Variants in CFAP54 observed in about 807,000 individuals in gnomAD.
The protein encoded by CFAP54 is cilia- and flagella-associated protein 54.
A neutral mutation model predicts 370.4 loss-of-function variants in CFAP54; 290 were observed. The ratio of observed to expected loss-of-function variants is 0.78; its 90% CI spans 0.71 to 0.86. CFAP54 has a LOEUF of 0.86. CFAP54 is among the 40% of genes least tolerant of loss of function. CFAP54 has a pLI of 0.00. For synonymous variants in CFAP54, 1,206 were observed against 1,236.5 expected, an observed-to-expected ratio of 0.98 and a Z score of 0.52; for missense variants, 3,399 against 3,528.7, an observed-to-expected ratio of 0.96 and a Z score of 0.93.
intron 32 of CFAP54, among the ~76,000 whole-genome samples, chr12:96,632,379 A>C (rs1437963020): frequency 6.6e-6 from 1 of 151,984 alleles, no homozygotes; most frequent in East Asian, 1.9e-4. Flanking sequence ...TTGTAAATTT[A>C]AATTTTTGAT....
At chr12:96,768,377 G>T (rs1299654114) in intron 60 of CFAP54, among the ~76,000 whole-genome samples, 2 of 151,910 alleles carry the variant, frequency 1.3e-5, no homozygotes, top group Admixed American at 1.3e-4. Flanking sequence ...AATAGGCTGG[G>T]TGCGGTGGGT....
intron 11 of CFAP54, among the ~76,000 whole-genome samples, chr12:96,534,773 G>T (rs935714250): frequency 6.6e-6 from 1 of 152,116 alleles, no homozygotes; most frequent in Admixed American, 6.6e-5. Flanking sequence ...TTAAGATATT[G>T]CATGGCTTAT....
chr12:96,740,292 G>A (rs1199203236), intron 51 of CFAP54, among the ~76,000 whole-genome samples: 1 of 152,086 alleles, frequency 6.6e-6, no homozygotes, highest in East Asian at 1.9e-4. Flanking sequence ...AATGGAATTG[G>A]GATATAATAA....
At chr12:96,507,518 AACAC>A (rs979958156) in intron 4 of CFAP54, among the ~76,000 whole-genome samples, 1 of 116,088 alleles carries the variant, frequency 8.6e-6, no homozygotes, top group Non-Finnish European at 1.8e-5. Flanking sequence ...ACTGCTGAGG[AACAC>A]ACACACACAC....
In CFAP54 at chr12:96,564,473, C is replaced by T. The variant is rs1157279258; in HGVS notation, c.2416C>T (p.Gln806Ter). The T allele has an allele frequency of 1.4e-6, 1 of 692,938 alleles. No homozygotes were observed. Among genetic ancestry groups the T allele is most frequent in the Non-Finnish European group, 2.6e-6 (1 of 380,360 alleles). 42.9% of individuals were successfully genotyped at this position (692,938 alleles called of 1,614,324 possible). Residue 806 changes from glutamine to a stop codon, truncating the protein, a stop_gained, in exon 18 of 68, where the codon CAG becomes TAG. Coordinates refer to ENST00000524981, the MANE Select transcript of CFAP54 (RefSeq NM_001306084.2). LOFTEE classifies it high-confidence loss of function. The stretch of plus-strand genomic sequence containing the variant: ...ACAGTCGTCTTCTTCTTCAGTTTTG[C>T]AGACTCCAACTGTTAGCAAAGATAT... ...VVLLDKLQVL[Q>*]TPTVSKDIST...
intron 15 of CFAP54, among the ~76,000 whole-genome samples, chr12:96,549,773 T>C (rs1189020606): frequency 6.6e-6 from 1 of 152,210 alleles, no homozygotes; most frequent in Non-Finnish European, 1.5e-5. Flanking sequence ...ACCTGGCACA[T>C]GATAGCTGCT....
intron 36 of CFAP54, among the ~76,000 whole-genome samples, chr12:96,655,619 A>G (rs1956913066): frequency 6.6e-6 from 1 of 152,176 alleles, no homozygotes; most frequent in Admixed American, 6.5e-5. Flanking sequence ...TTACAGGAAT[A>G]TCCTCAGTAT....
chr12:96,620,011 T>C (rs1956468100), intron 26 of CFAP54, among the ~76,000 whole-genome samples: 1 of 152,116 alleles, frequency 6.6e-6, no homozygotes, highest in African/African-American at 2.4e-5. Flanking sequence ...AGTAAACAAA[T>C]AAAAATTTTT....
At chr12:96,657,793 T>C in intron 36 of CFAP54, 89 bp from the exon 37 acceptor site, 3 of 931,454 alleles carry the variant, frequency 3.2e-6, no homozygotes, top group East Asian at 4.8e-5. Context: ...TTCTTTTCCA[T>C]GTTACATTTT....
At chr12:96,824,222 T>C (rs902274028) in intron 65 of CFAP54, among the ~76,000 whole-genome samples, 6 of 152,102 alleles carry the variant, frequency 3.9e-5, no homozygotes, top group African/African-American at 1.4e-4. Flanking sequence ...GGCAGCAAGG[T>C]CACACAAGGA....
At chr12:96,581,273 CTT>C (rs1956030274) in intron 22 of CFAP54, among the ~76,000 whole-genome samples, 168 bp downstream of exon 22, 1 of 152,134 alleles carries the variant, frequency 6.6e-6, no homozygotes, top group Admixed American at 6.6e-5. Flanking sequence ...CATTCCTTCT[CTT>C]ATTAGTAAAT....
At position 96,663,295 on chromosome 12, in the gene CFAP54, G is replaced by A. The variant is rs77464594; in HGVS notation, c.5461-535G>A. ...GGTTAGTTCAAGGGATGGGAGTGAA[G>A]AAATGAAGAGAAGAGGGTCTTGGGC... On this transcript the variant is annotated intron_variant, in intron 38 of 67. Transcript: ENST00000524981. 4.8e-3 allele frequency among the ~76,000 whole-genome samples: 733 copies of A among 152,296 alleles called. 6 individuals carry two copies. The highest frequency in any genetic ancestry group is 0.017 in the African/African-American group (705 of 41,568).
intron 22 of CFAP54, among the ~76,000 whole-genome samples, chr12:96,587,898 A>C (rs1394089140): frequency 6.6e-6 from 1 of 152,192 alleles, no homozygotes; most frequent in Non-Finnish European, 1.5e-5. Context: ...ACTTGGCTTC[A>C]CTATTTTTAC....
At chr12:96,571,133 A>G (rs1260205541) in intron 19 of CFAP54, among the ~76,000 whole-genome samples, 1 of 152,174 alleles carries the variant, frequency 6.6e-6, no homozygotes, top group Non-Finnish European at 1.5e-5. Flanking sequence ...TCAAGATTCC[A>G]TTGCATCTTT....
chr12:96,767,258 T>G (rs1212994505), intron 60 of CFAP54, among the ~76,000 whole-genome samples: 1 of 152,164 alleles, frequency 6.6e-6, no homozygotes, highest in African/African-American at 2.4e-5. Flanking sequence ...AACCTCTGTA[T>G]GATTCAGAGG....
intron 26 of CFAP54, among the ~76,000 whole-genome samples, chr12:96,605,656 C>G (rs552760618): frequency 4.1e-4 from 62 of 152,148 alleles, no homozygotes; most frequent in Non-Finnish European, 7.9e-4. Context: ...GTGTCAGGCA[C>G]TGGTTTGGGC....
intron 50 of CFAP54, among the ~76,000 whole-genome samples, chr12:96,729,692 C>T (rs1325410084): frequency 6.6e-6 from 1 of 152,216 alleles, no homozygotes; most frequent in Non-Finnish European, 1.5e-5. Context: ...GCGCTGCACC[C>T]ACTGTCCTGC....
chr12:96,614,459 A>G (rs1039593623), intron 26 of CFAP54, among the ~76,000 whole-genome samples: 12 of 152,362 alleles, frequency 7.9e-5, no homozygotes, highest in Admixed American at 4.6e-4. Flanking sequence ...GGCACAAGAC[A>G]GGGATGCCCT....
intron 52 of CFAP54, 111 bp from the exon 53 acceptor site, chr12:96,743,288 TCCC>T: frequency 1.0e-6 from 1 of 979,024 alleles, no homozygotes; most frequent in East Asian, 2.6e-5. Context: ...CTTAATATAC[TCCC>T]CTGTTCTTTG....
Sources: gnomAD v4.1 joint callset for allele counts (sites outside exome capture counted in the v4.1 genomes callset) on GRCh38, gnomAD v4.1.1 for gene constraint, MANE v1.5 for transcripts, NCBI Gene and HGNC (gene_info 2026-07-23, HGNC 2026-07-21) for gene names.